TRPM3: variants seen among roughly 807,000 people sequenced by gnomAD.
TRPM3 encodes long transient receptor potential channel 3.
A neutral mutation model predicts 181.2 loss-of-function variants in TRPM3; 77 were observed. The ratio of observed to expected loss-of-function variants is 0.42; its 90% CI spans 0.35 to 0.51. TRPM3 has a LOEUF of 0.51. TRPM3 is among the 20% of genes least tolerant of loss of function. The pLI is 0.01. For missense variants in TRPM3, 1,759 were observed against 2,196.7 expected, an observed-to-expected ratio of 0.80 and a Z score of 3.98; for synonymous variants, 745 against 796.4, an observed-to-expected ratio of 0.94 and a Z score of 1.09.
intron 1 of TRPM3, among the ~76,000 whole-genome samples, chr9:71,233,266 G>T (rs181863421): frequency 1.3e-3 from 205 of 152,192 alleles, no homozygotes; most frequent in African/African-American, 4.6e-3. Context: ...TTATGTTAAA[G>T]ACTCCATGCT....
At chr9:70,991,240 C>A (rs1303773578) in intron 1 of TRPM3, among the ~76,000 whole-genome samples, 1 of 152,258 alleles carries the variant, frequency 6.6e-6, no homozygotes, top group African/African-American at 2.4e-5. Flanking sequence ...TTTATTTTCA[C>A]TAATTTATTA....
intron 1 of TRPM3, among the ~76,000 whole-genome samples, chr9:71,075,270 C>A (rs17593195): frequency 0.014 from 2,067 of 152,264 alleles, 27 homozygotes; most frequent in Non-Finnish European, 0.022. Flanking sequence ...TGGCTTTGCA[C>A]AAGATTCGAG....
intron 1 of TRPM3, among the ~76,000 whole-genome samples, chr9:71,391,018 T>C (rs771696728): frequency 2.6e-5 from 4 of 151,946 alleles, no homozygotes. Flanking sequence ...AGATACTTAT[T>C]ATGTAGATCC....
At chr9:71,005,458 T>C (rs1294918490) in intron 1 of TRPM3, among the ~76,000 whole-genome samples, 2 of 148,722 alleles carry the variant, frequency 1.3e-5, no homozygotes, top group East Asian at 1.9e-4. Context: ...TCAACCCAAA[T>C]AGGAATTTTC....
At chr9:70,862,757 A>T in intron 3 of TRPM3, 151 bp downstream of exon 3, 1 of 706,514 alleles carries the variant, frequency 1.4e-6, no homozygotes, top group South Asian at 2.1e-5. Context: ...TGAGACACAC[A>T]GGGGCAGGGG....
chr9:71,299,739 G>A (rs2086609055), intron 1 of TRPM3, among the ~76,000 whole-genome samples: 1 of 152,052 alleles, frequency 6.6e-6, no homozygotes, highest in Non-Finnish European at 1.5e-5. Flanking sequence ...CTTATTTTCT[G>A]TTGGCTAACA....
intron 9 of TRPM3, among the ~76,000 whole-genome samples, chr9:70,658,068 T>C (rs2060616445): frequency 6.6e-6 from 1 of 152,194 alleles, no homozygotes. Flanking sequence ...ATAAAAGGCT[T>C]ATGGAAGTTA....
At chr9:71,057,548 G>C (rs566201263) in intron 1 of TRPM3, among the ~76,000 whole-genome samples, 1 of 152,138 alleles carries the variant, frequency 6.6e-6, no homozygotes, top group South Asian at 2.1e-4. Context: ...AGCAATGATT[G>C]CTATTTAAAG....
At chr9:70,700,195 C>T (rs1475187488) in intron 8 of TRPM3, among the ~76,000 whole-genome samples, 2 of 152,222 alleles carry the variant, frequency 1.3e-5, no homozygotes, top group East Asian at 1.9e-4. Flanking sequence ...GTTGGCCAGG[C>T]TGGTCTTGAA....
intron 1 of TRPM3, among the ~76,000 whole-genome samples, chr9:71,092,536 T>C (rs1227979495): frequency 6.6e-6 from 1 of 152,154 alleles, no homozygotes; most frequent in African/African-American, 2.4e-5. Flanking sequence ...ATTCGAAATT[T>C]TGGGATCTGG....
intron 1 of TRPM3, among the ~76,000 whole-genome samples, chr9:71,403,149 T>G (rs2131393308): frequency 6.6e-6 from 1 of 152,332 alleles, no homozygotes; most frequent in South Asian, 2.1e-4. Context: ...AAACTATGCC[T>G]GCAGGCCAAA....
At chr9:71,377,089 T>G (rs1199327011) in intron 1 of TRPM3, among the ~76,000 whole-genome samples, 1 of 152,084 alleles carries the variant, frequency 6.6e-6, no homozygotes. Flanking sequence ...TATACAAATG[T>G]AGAATAAACG....
chr9:70,610,429 G>A (rs2061834591), intron 19 of TRPM3, among the ~76,000 whole-genome samples, 180 bp downstream of exon 19: 2 of 152,196 alleles, frequency 1.3e-5, no homozygotes, highest in African/African-American at 2.4e-5. Context: ...AATGTGGCCT[G>A]TGAAAGCTGC....
intron 22 of TRPM3, among the ~76,000 whole-genome samples, chr9:70,588,662 C>T (rs2057577610): frequency 1.3e-5 from 2 of 152,156 alleles, no homozygotes; most frequent in African/African-American, 4.8e-5. Flanking sequence ...GCTTCACAAA[C>T]CAACCTGGGC....
chr9:70,746,085 G>A (rs1347875882), intron 8 of TRPM3, among the ~76,000 whole-genome samples: 1 of 152,190 alleles, frequency 6.6e-6, no homozygotes, highest in Non-Finnish European at 1.5e-5. Context: ...GCAACAGGGT[G>A]TTGGGTACTG....
chr9:70,632,075 T>C (rs2065952006), intron 12 of TRPM3, among the ~76,000 whole-genome samples: 1 of 152,230 alleles, frequency 6.6e-6, no homozygotes, highest in African/African-American at 2.4e-5. Flanking sequence ...TGCACACATA[T>C]ATTTCCCCCC....
intron 1 of TRPM3, among the ~76,000 whole-genome samples, chr9:71,011,399 A>G (rs2097737397): frequency 6.6e-6 from 1 of 152,194 alleles, no homozygotes; most frequent in South Asian, 2.1e-4. Context: ...AGCACACTGT[A>G]CCCCACAAAT....
intron 1 of TRPM3, among the ~76,000 whole-genome samples, chr9:71,380,931 A>AGAC (rs2092785015): frequency 6.7e-6 from 1 of 149,888 alleles, no homozygotes; most frequent in Non-Finnish European, 1.5e-5. Context: ...GACAAAATGA[A>AGAC]GACGACGACA....
At chr9:70,757,993 G>A (rs1032212750) in intron 8 of TRPM3, among the ~76,000 whole-genome samples, 2 of 152,192 alleles carry the variant, frequency 1.3e-5, no homozygotes, top group Non-Finnish European at 2.9e-5. Flanking sequence ...AATTGGGCAA[G>A]AGAAAGAAAT....
Sources: allele counts gnomAD v4.1 joint callset (sites outside exome capture counted in the v4.1 genomes callset), GRCh38; gene constraint gnomAD v4.1.1; transcripts MANE v1.5; gene names NCBI Gene and HGNC (gene_info 2026-07-23, HGNC 2026-07-21).